COLEC10: variants seen among roughly 807,000 people sequenced by gnomAD.
COLEC10 encodes collectin-10.
Under a neutral mutation model 28.4 loss-of-function variants are expected in COLEC10, and 22 were observed. The ratio of observed to expected loss-of-function variants is 0.78; its 90% CI spans 0.55 to 1.11. COLEC10 has a LOEUF of 1.11. Among genes scored for constraint, COLEC10 ranks in the 50% least tolerant of loss-of-function variants. The pLI is 0.00. For missense variants in COLEC10, 361 were observed against 344.1 expected (o/e 1.05, Z -0.39); for synonymous variants, 125 against 116.1 (o/e 1.08, Z -0.49).
intron 1 of COLEC10, among the ~76,000 whole-genome samples, chr8:119,003,706 G>A (rs1813739972): frequency 6.6e-6 from 1 of 151,974 alleles, no homozygotes; most frequent in Admixed American, 6.6e-5. Context: ...CCCACTTCCT[G>A]TTTGATTTTG....
At chr8:119,029,641 A>G (rs1814253022) in intron 2 of COLEC10, among the ~76,000 whole-genome samples, 2 of 152,150 alleles carry the variant, frequency 1.3e-5, no homozygotes, top group South Asian at 4.1e-4. Flanking sequence ...GGTCTAATTC[A>G]TGTGCTTTGG....
intron 2 of COLEC10, among the ~76,000 whole-genome samples, chr8:119,033,258 AT>A (rs573004274): frequency 1.7e-4 from 25 of 150,456 alleles, no homozygotes; most frequent in Middle Eastern, 3.4e-3. Context: ...TCTTCAGATA[AT>A]TTTTTTTTTA....
chr8:118,961,858 T>A, the COLEC10 span, among the ~76,000 whole-genome samples: 2 of 152,206 alleles, frequency 1.3e-5, no homozygotes, highest in African/African-American at 4.8e-5. Context: ...GGATATTTTT[T>A]AATGCCCTAC....
chr8:118,987,152 A>G, the COLEC10 span, among the ~76,000 whole-genome samples: 1 of 152,184 alleles, frequency 6.6e-6, no homozygotes, highest in Non-Finnish European at 1.5e-5. Flanking sequence ...AGTGAAAACA[A>G]AAAAAACAAA....
intron 1 of COLEC10, among the ~76,000 whole-genome samples, chr8:119,086,324 G>A (rs1259957699): frequency 2.0e-5 from 3 of 151,748 alleles, no homozygotes; most frequent in African/African-American, 7.3e-5. Flanking sequence ...GTAAAATAGT[G>A]TAAATTGTCC....
At chr8:119,083,102 C>G (rs1220284179) in intron 1 of COLEC10, among the ~76,000 whole-genome samples, 1 of 152,114 alleles carries the variant, frequency 6.6e-6, no homozygotes, top group East Asian at 1.9e-4. Flanking sequence ...ACTCGTCAAC[C>G]AAACACACAG....
chr8:118,959,355 CTG>C, the COLEC10 span, among the ~76,000 whole-genome samples: 2 of 151,884 alleles, frequency 1.3e-5, no homozygotes, highest in East Asian at 1.9e-4. Context: ...AGCTCAGGCT[CTG>C]AGGCTAGACT....
At position 119,016,298 on chromosome 8, in the gene COLEC10, G is replaced by A. The variant is rs540982295; in HGVS notation, n.235+6745G>A. 4.6e-5 allele frequency among the ~76,000 whole-genome samples: 7 copies of A among 152,166 alleles called. No homozygotes were observed. In the East Asian group the frequency reaches 1.4e-3, roughly 29 times the overall value. ...GCAGTGTTTGGTTTTCTGTTCCTGT[G>A]TTAGTTGGCTAGAATGATGGCTTCC... On this transcript the variant is annotated intron_variant and non_coding_transcript_variant, in intron 2 of 6. Coordinates refer to the COLEC10 transcript ENST00000521788.
chr8:118,954,713 G>C, the COLEC10 span, among the ~76,000 whole-genome samples: 2 of 152,188 alleles, frequency 1.3e-5, no homozygotes, highest in South Asian at 4.1e-4. Flanking sequence ...GTCCCACATT[G>C]AATAGATTTT....
chr8:118,985,765 G>A, the COLEC10 span, among the ~76,000 whole-genome samples: 21 of 152,208 alleles, frequency 1.4e-4, no homozygotes, highest in Admixed American at 4.6e-4. Context: ...GAGAAACCTA[G>A]AGTCAAAAGC....
chr8:119,070,160 C>A (rs563947613), intron 1 of COLEC10, among the ~76,000 whole-genome samples: 1 of 152,248 alleles, frequency 6.6e-6, no homozygotes, highest in East Asian at 1.9e-4. Context: ...CATGTTGTTA[C>A]ATCTGTTACA....
At chr8:119,085,301 G>A (rs992736103) in intron 1 of COLEC10, among the ~76,000 whole-genome samples, 4 of 152,190 alleles carry the variant, frequency 2.6e-5, no homozygotes, top group African/African-American at 4.8e-5. Flanking sequence ...AGGTCCCAAT[G>A]AGGCCTGAAG....
chr8:119,091,595 G>GAGAGAGAGAGAGAAAGAAAGAA (rs1250359009), intron 3 of COLEC10, among the ~76,000 whole-genome samples: 3 of 138,576 alleles, frequency 2.2e-5, no homozygotes, highest in African/African-American at 8.3e-5. Context: ...GAGAGAGAGA[G>GAGAGAGAGAGAGAAAGAAAGAA]AGAAAGAAAG....
the COLEC10 span, among the ~76,000 whole-genome samples, chr8:118,978,652 A>G: frequency 6.6e-6 from 1 of 152,112 alleles, no homozygotes; most frequent in African/African-American, 2.4e-5. Context: ...TTATATATAT[A>G]CACATATATG....
At chr8:119,103,021 G>A (rs1815869405) in intron 4 of COLEC10, among the ~76,000 whole-genome samples, 1 of 151,544 alleles carries the variant, frequency 6.6e-6, no homozygotes, top group Admixed American at 6.6e-5. Context: ...TTTTTCCTTT[G>A]GCTAATAAAA....
the COLEC10 span, among the ~76,000 whole-genome samples, chr8:118,975,275 T>C: frequency 3.3e-5 from 5 of 152,008 alleles, no homozygotes; most frequent in African/African-American, 1.2e-4. Flanking sequence ...CAAATAACTT[T>C]TTGTTGTTTG....
the COLEC10 span, among the ~76,000 whole-genome samples, chr8:118,986,105 T>G: frequency 6.6e-6 from 1 of 152,114 alleles, no homozygotes; most frequent in Non-Finnish European, 1.5e-5. Context: ...AATTTAATGA[T>G]GAATATCAAT....
chr8:118,996,036 C>T (rs1333746009), intron 1 of COLEC10, among the ~76,000 whole-genome samples: 2 of 152,144 alleles, frequency 1.3e-5, no homozygotes, highest in Non-Finnish European at 2.9e-5. Context: ...TGAACAGCAC[C>T]TTCTCAGTCC....
intron 2 of COLEC10, among the ~76,000 whole-genome samples, chr8:119,061,351 A>C (rs1814851078): frequency 6.6e-6 from 1 of 152,026 alleles, no homozygotes; most frequent in Non-Finnish European, 1.5e-5. Flanking sequence ...AATTATTTCC[A>C]GACTTAAAGG....
Sources: allele counts gnomAD v4.1 joint callset (sites outside exome capture counted in the v4.1 genomes callset), GRCh38; gene constraint gnomAD v4.1.1; transcripts MANE v1.5; gene names NCBI Gene and HGNC (gene_info 2026-07-23, HGNC 2026-07-21).